EYS: variants seen among roughly 807,000 people sequenced by gnomAD.
EYS encodes protein eyes shut homolog.
Under a neutral mutation model 282.1 loss-of-function variants are expected in EYS, and 250 were observed. That is an observed-to-expected ratio of 0.89 (90% confidence interval 0.80 to 0.98). The LOEUF (loss-of-function observed/expected upper bound fraction) is 0.98. Among genes scored for constraint, EYS ranks in the 50% least tolerant of loss-of-function variants. The pLI is 0.00. For missense variants in EYS, 4,016 were observed against 3,709.0 expected, an observed-to-expected ratio of 1.08 and a Z score of -2.15; for synonymous variants, 1,355 against 1,282.9, an observed-to-expected ratio of 1.06 and a Z score of -1.20.
intron 12 of EYS, among the ~76,000 whole-genome samples, chr6:65,239,875 A>G (rs1360894598): frequency 3.9e-5 from 6 of 152,138 alleles, no homozygotes; most frequent in Admixed American, 3.3e-4. Flanking sequence ...TTGTACTATA[A>G]GCAGAAAAAA....
intron 12 of EYS, among the ~76,000 whole-genome samples, chr6:65,100,173 A>T (rs938758628): frequency 7.3e-5 from 11 of 150,908 alleles, no homozygotes; most frequent in Non-Finnish European, 1.3e-4. Flanking sequence ...ATTACCAGAT[A>T]TGATGCAAAT....
chr6:64,151,979 C>A (rs1161305196), intron 31 of EYS, among the ~76,000 whole-genome samples: 3 of 152,024 alleles, frequency 2.0e-5, no homozygotes, highest in African/African-American at 7.2e-5. Flanking sequence ...TTTCTTTGAG[C>A]ACTGCCTTTC....
chr6:65,246,740 ACT>A (rs1365629503), intron 12 of EYS, among the ~76,000 whole-genome samples: 1 of 152,100 alleles, frequency 6.6e-6, no homozygotes. Context: ...GCTCGCTCGC[ACT>A]CTCTTTCATA....
At chr6:64,675,428 C>CTTTTTTTTTTTTTTTTTTTTTTTTT (rs56346431) in intron 22 of EYS, among the ~76,000 whole-genome samples, 1 of 114,626 alleles carries the variant, frequency 8.7e-6, no homozygotes, top group Non-Finnish European at 1.7e-5. Context: ...CTTTTTTTTT[C>CTTTTTTTTTTTTTTTTTTTTTTTTT]TTTTTTTTTT....
chr6:65,646,395 C>A (rs1767452523), intron 1 of EYS, among the ~76,000 whole-genome samples: 2 of 151,836 alleles, frequency 1.3e-5, no homozygotes, highest in African/African-American at 4.8e-5. Context: ...AATGTGATAC[C>A]CAACATAAAC....
intron 31 of EYS, among the ~76,000 whole-genome samples, chr6:64,086,217 A>G (rs1317835701): frequency 6.6e-6 from 1 of 152,086 alleles, no homozygotes; most frequent in African/African-American, 2.4e-5. Flanking sequence ...CTCTTCCCAA[A>G]CTAGTTGCTA....
chr6:63,723,355 ATTAAG>A (rs1199926840), intron 42 of EYS, among the ~76,000 whole-genome samples: 2 of 152,210 alleles, frequency 1.3e-5, no homozygotes, highest in Non-Finnish European at 2.9e-5. Context: ...ATAATTGATA[ATTAAG>A]TTCAAAAAAT....
At chr6:65,114,046 T>C (rs2150190862) in intron 12 of EYS, among the ~76,000 whole-genome samples, 1 of 152,010 alleles carries the variant, frequency 6.6e-6, no homozygotes, top group African/African-American at 2.4e-5. Flanking sequence ...ATCCACCAAA[T>C]AGGGATAACA....
At chr6:65,609,018 A>G (rs1765899097) in intron 2 of EYS, among the ~76,000 whole-genome samples, 1 of 152,138 alleles carries the variant, frequency 6.6e-6, no homozygotes, top group Non-Finnish European at 1.5e-5. Flanking sequence ...AGTAGAAAGA[A>G]TACAATCTAA....
At chr6:64,759,927 C>A (rs1040391692) in intron 22 of EYS, among the ~76,000 whole-genome samples, 1 of 152,128 alleles carries the variant, frequency 6.6e-6, no homozygotes, top group South Asian at 2.1e-4. Flanking sequence ...TGTCTCATTA[C>A]AATATTTAAA....
At chr6:63,896,283 T>C (rs1773536201) in intron 35 of EYS, among the ~76,000 whole-genome samples, 2 of 152,246 alleles carry the variant, frequency 1.3e-5, no homozygotes, top group Non-Finnish European at 2.9e-5. Flanking sequence ...TATATTACAA[T>C]GCACTGAATC....
intron 36 of EYS, among the ~76,000 whole-genome samples, chr6:63,812,744 T>C (rs1047346193): frequency 1.3e-5 from 2 of 152,192 alleles, no homozygotes; most frequent in Non-Finnish European, 2.9e-5. Flanking sequence ...CTAACTATTC[T>C]GCACTTATAG....
chr6:65,381,323 G>A (rs1765601646), intron 8 of EYS, among the ~76,000 whole-genome samples: 1 of 151,930 alleles, frequency 6.6e-6, no homozygotes, highest in Non-Finnish European at 1.5e-5. Context: ...GCAGAGATGT[G>A]GATGAAGCTG....
chr6:64,647,906 AT>A (rs34268215), intron 22 of EYS, among the ~76,000 whole-genome samples: 16,849 of 152,194 alleles, frequency 0.11, 1,097 homozygotes, highest in East Asian at 0.16. Flanking sequence ...GAATAAATAA[AT>A]GGTTTTAAGG....
At chr6:64,161,167 T>C (rs986671686) in intron 31 of EYS, among the ~76,000 whole-genome samples, 4 of 152,224 alleles carry the variant, frequency 2.6e-5, no homozygotes, top group African/African-American at 7.2e-5. Flanking sequence ...GGAACAAGCA[T>C]TTAAAAAAGT....
intron 5 of EYS, among the ~76,000 whole-genome samples, chr6:65,434,783 G>A (rs1768013763): frequency 6.6e-6 from 1 of 151,944 alleles, no homozygotes; most frequent in South Asian, 2.1e-4. Flanking sequence ...TATCTAAAAT[G>A]TTCCCTTAAT....
chr6:64,090,847 T>C (rs115060547), intron 31 of EYS, among the ~76,000 whole-genome samples: 4,369 of 152,298 alleles, frequency 0.029, 67 homozygotes, highest in Non-Finnish European at 0.046. Flanking sequence ...GCCATCTTCT[T>C]CTGCCTGTAC....
chr6:65,331,464 G>A (rs903946795), intron 11 of EYS: 77 of 859,888 alleles, frequency 9.0e-5, no homozygotes, highest in Admixed American at 2.5e-4. Context: ...AACTGATATA[G>A]AGAAACTTAA....
chr6:64,166,868 T>C (rs1764305251), intron 31 of EYS, among the ~76,000 whole-genome samples: 1 of 152,192 alleles, frequency 6.6e-6, no homozygotes, highest in African/African-American at 2.4e-5. Flanking sequence ...TTGTACAATA[T>C]TATACTTTAG....
Sources: allele counts gnomAD v4.1 joint callset (sites outside exome capture counted in the v4.1 genomes callset), GRCh38; gene constraint gnomAD v4.1.1; transcripts MANE v1.5; gene names NCBI Gene and HGNC (gene_info 2026-07-23, HGNC 2026-07-21).